WASL: variants seen among roughly 807,000 people sequenced by gnomAD.
The protein encoded by WASL is actin nucleation-promoting factor WASL.
In WASL, 20 loss-of-function variants were observed where a neutral mutation model predicts 55.5. The observed-to-expected ratio is 0.36, with a 90% CI of 0.25 to 0.52. The LOEUF (loss-of-function observed/expected upper bound fraction) is 0.52. WASL is among the 20% of genes least tolerant of loss of function. The pLI is 0.92. For missense variants in WASL, 504 were observed against 622.5 expected (o/e 0.81, Z 2.03); for synonymous variants, 249 against 217.6 (o/e 1.14, Z -1.27).
Position 123,709,131 on chromosome 7 carries a change from G to A in WASL, c.210C>T (p.Asp70=), listed in dbSNP as rs530774974. The A allele has an allele frequency of 7.0e-5, 113 of 1,612,450 alleles. 2 individuals carry two copies. In the South Asian group the frequency reaches 1.2e-3, roughly 17 times the overall value. The stretch of plus-strand genomic sequence containing the variant: ...TTAAAAAATAAGATCTCTGTGGATT[G>A]TCCTTAACAAGACAAGCAACACCAC... ...KCSGVACLVK[D]NPQRSYFLRI... is the part of the protein sequence containing the mutation. Residue 70 remains aspartate (D), a synonymous_variant, in exon 2 of 11, where the codon GAC becomes GAT. Transcript: ENST00000223023.
At chr7:123,698,525 T>C (rs967289772) in intron 5 of WASL, among the ~76,000 whole-genome samples, 22 of 152,186 alleles carry the variant, frequency 1.4e-4, no homozygotes, top group Admixed American at 5.9e-4. Flanking sequence ...TTCAACTCTT[T>C]TCCCTTAATA....
intron 1 of WASL, among the ~76,000 whole-genome samples, chr7:123,743,374 A>G (rs535977654): frequency 1.0e-3 from 157 of 151,804 alleles, no homozygotes; most frequent in African/African-American, 3.6e-3. Flanking sequence ...TCATATTCAC[A>G]ATGTATGGTA....
intron 1 of WASL, among the ~76,000 whole-genome samples, chr7:123,743,784 T>A (rs934026242): frequency 6.6e-6 from 1 of 152,222 alleles, no homozygotes; most frequent in Non-Finnish European, 1.5e-5. Flanking sequence ...ATTTTACAAA[T>A]CTAGACATGA....
chr7:123,706,972 A>G (rs1374395741), intron 2 of WASL, 146 bp from the exon 3 acceptor site: 1 of 441,718 alleles, frequency 2.3e-6, no homozygotes, highest in Non-Finnish European at 4.0e-6. Context: ...ATATATAAAT[A>G]GTGTCACATA....
rs1803717811 is a variant in WASL at position 123,709,152 on chromosome 7, A to T, written c.189T>A (p.Gly63=). ...GATTGTCCTTAACAAGACAAGCAAC[A>T]CCACTGCACTTCTTTGACCACATAC... ...RNCMWSKKCS[G]VACLVKDNPQ... is the part of the protein sequence containing the mutation. Residue 63 remains glycine (G), a synonymous_variant, in exon 2 of 11, where the codon GGT becomes GGA. Transcript: ENST00000223023. 1 of 1,612,884 alleles carries T rather than the reference A, an allele frequency of 6.2e-7. No individual in the cohort carries two copies.
intron 1 of WASL, among the ~76,000 whole-genome samples, chr7:123,746,071 A>C (rs1411426135): frequency 1.3e-5 from 2 of 152,208 alleles, no homozygotes; most frequent in African/African-American, 4.8e-5. Context: ...AGGAAGCTCA[A>C]GAAACTTGTC....
intron 1 of WASL, among the ~76,000 whole-genome samples, chr7:123,733,806 C>T (rs1804180097): frequency 6.6e-6 from 1 of 151,396 alleles, no homozygotes; most frequent in South Asian, 2.1e-4. Context: ...AGAAGTAGAC[C>T]CATACAAATG....
intron 7 of WASL, among the ~76,000 whole-genome samples, chr7:123,695,282 TTTG>T (rs1451506661): frequency 6.6e-6 from 1 of 152,154 alleles, no homozygotes; most frequent in Non-Finnish European, 1.5e-5. Context: ...GCTCAGTATG[TTTG>T]TTGAGTTAAC....
intron 1 of WASL, among the ~76,000 whole-genome samples, chr7:123,726,016 T>C (rs1343849476): frequency 1.3e-5 from 2 of 152,206 alleles, no homozygotes; most frequent in African/African-American, 2.4e-5. Flanking sequence ...CTAAAGCATA[T>C]TTTTTAAAGG....
intron 1 of WASL, among the ~76,000 whole-genome samples, chr7:123,718,088 G>A (rs1803875176): frequency 1.6e-5 from 2 of 121,778 alleles, no homozygotes; most frequent in South Asian, 7.7e-4. Context: ...ATAATATATT[G>A]GACTGTTAAT....
chr7:123,696,280 A>T (rs1803490817), intron 6 of WASL, among the ~76,000 whole-genome samples: 1 of 152,094 alleles, frequency 6.6e-6, no homozygotes, highest in Non-Finnish European at 1.5e-5. Context: ...TGCTATTTTT[A>T]GAGCAAAGTG....
chr7:123,708,904 T>C (rs1803713316), intron 2 of WASL, among the ~76,000 whole-genome samples, 185 bp downstream of exon 2: 2 of 152,102 alleles, frequency 1.3e-5, no homozygotes, highest in Non-Finnish European at 2.9e-5. Flanking sequence ...CATTCTGGCT[T>C]CAGACATGTT....
chr7:123,721,700 T>G (rs1464690074), intron 1 of WASL, among the ~76,000 whole-genome samples: 1 of 151,994 alleles, frequency 6.6e-6, no homozygotes, highest in African/African-American at 2.4e-5. Context: ...CCAAGGAGAG[T>G]GGATCACCTG....
chr7:123,700,175 C>CA lies in WASL; in HGVS notation c.461-3429dup, dbSNP rs1168168286. On this transcript the variant is annotated intron_variant, in intron 5 of 10. Coordinates refer to ENST00000223023, the MANE Select transcript of WASL (RefSeq NM_003941.4). ...TGGGCAACAGAGCGAAACTCCGTCT[C>CA]AAAAAAAAAAAAAAAAAAAAAAAAA... is the stretch of plus-strand genomic sequence containing the variant. Among the ~76,000 whole-genome samples, 50 of 47,336 alleles carry CA rather than the reference C, an allele frequency of 1.1e-3. 1 individual carries two copies. The highest frequency in any genetic ancestry group is 1.8e-3 in the Admixed American group (6 of 3,360). The allele number at this position is 47,336 out of a possible 152,430, so 31.1% of individuals were successfully genotyped here.
intron 10 of WASL, among the ~76,000 whole-genome samples, chr7:123,686,629 C>A (rs1803295427): frequency 6.6e-6 from 1 of 152,044 alleles, no homozygotes; most frequent in Admixed American, 6.6e-5. Context: ...CAGATACCAG[C>A]ATAGAATAAA....
chr7:123,694,912 TTAAAAAACA>T, intron 7 of WASL, 44 bp from the exon 8 acceptor site: 1 of 1,559,386 alleles, frequency 6.4e-7, no homozygotes, highest in African/African-American at 1.4e-5. Flanking sequence ...ATATCCCAAT[TTAAAAAACA>T]TAATTTTAAG....
intron 1 of WASL, among the ~76,000 whole-genome samples, chr7:123,727,472 T>G (rs1804070445): frequency 6.6e-6 from 1 of 151,310 alleles, no homozygotes; most frequent in African/African-American, 2.4e-5. Flanking sequence ...ACAAACAAAT[T>G]GTGGTAAATT....
At chr7:123,704,565 T>C in intron 5 of WASL, 69 bp downstream of exon 5, 1 of 1,250,312 alleles carries the variant, frequency 8.0e-7, no homozygotes, top group Non-Finnish European at 1.1e-6. Flanking sequence ...TAATGTATGG[T>C]ACATGTTTCC....
chr7:123,686,926 A>G lies in WASL; in HGVS notation c.1456+2116T>C, dbSNP rs551206427. On this transcript the variant is annotated intron_variant, in intron 10 of 10. Coordinates refer to ENST00000223023, the MANE Select transcript of WASL (RefSeq NM_003941.4). ...AGGTGTCTATGTATATCCTACTGAC[A>G]TGCAATTTAACAATTCAGACCTCTC... Among the ~76,000 whole-genome samples, 24 of 152,282 alleles carry G rather than the reference A, an allele frequency of 1.6e-4. No individual in the cohort carries two copies. In the East Asian group the frequency reaches 3.3e-3, roughly 21 times the overall value.
Sources: allele counts gnomAD v4.1 joint callset (sites outside exome capture counted in the v4.1 genomes callset), GRCh38; gene constraint gnomAD v4.1.1; transcripts MANE v1.5; gene names NCBI Gene and HGNC (gene_info 2026-07-23, HGNC 2026-07-21).